The following TMED5 variants were observed in gnomAD, a reference collection of about 807,000 sequenced individuals.
TMED5 encodes transmembrane p24 trafficking protein 5.
In TMED5, 27 loss-of-function variants were observed where a neutral mutation model predicts 23.0. That is an observed-to-expected ratio of 1.17 (90% CI 0.86 to 1.62). TMED5 has a LOEUF of 1.62. TMED5 is among the 40% of genes most tolerant of loss of function. The probability of loss-of-function intolerance (pLI) is 0.00; values close to 1 mark genes in which losing one functional copy is unlikely to be tolerated. For synonymous variants in TMED5, 97 were observed against 100.8 expected (o/e 0.96, Z 0.23); for missense variants, 248 against 273.7 (o/e 0.91, Z 0.66).
intron 1 of TMED5, among the ~76,000 whole-genome samples, chr1:93,179,297 G>A (rs1168677581): frequency 8.0e-5 from 12 of 150,244 alleles, no homozygotes; most frequent in Non-Finnish European, 2.9e-5. Flanking sequence ...GGGAGGCGGA[G>A]GTTGCAATGA....
At chr1:93,160,328 G>A in intron 1 of TMED5, 102 bp from the exon 2 acceptor site, 4 of 623,626 alleles carry the variant, frequency 6.4e-6, no homozygotes, top group South Asian at 2.6e-5. Context: ...AAGCTAGAGA[G>A]GTAAGAAAGT....
intron 2 of TMED5, among the ~76,000 whole-genome samples, chr1:93,156,732 C>T (rs993209054): frequency 4.0e-5 from 6 of 148,560 alleles, no homozygotes; most frequent in Admixed American, 1.4e-4. Context: ...TGCTTGAGCC[C>T]GGAAGGTTGA....
chr1:93,169,610 T>TC (rs1648629400), intron 1 of TMED5, among the ~76,000 whole-genome samples: 1 of 132,762 alleles, frequency 7.5e-6, no homozygotes, highest in Non-Finnish European at 1.6e-5. Context: ...AAAAAATCAA[T>TC]GAAGCAAAAA....
chr1:93,162,455 G>C (rs1199851990), intron 1 of TMED5: 3 of 152,522 alleles, frequency 2.0e-5, no homozygotes, highest in Non-Finnish European at 4.4e-5. Flanking sequence ...AAATGAGCCA[G>C]CCATGGTGGC....
In TMED5 at chr1:93,180,219, G is replaced by A. The variant is rs746120271; in HGVS notation, c.24C>T (p.Pro8=). 51 of 1,612,034 alleles carry A rather than the reference G, an allele frequency of 3.2e-5. No individual in the cohort carries two copies. The highest frequency in any genetic ancestry group is 4.2e-5 in the Non-Finnish European group (49 of 1,179,496). MGDKIWL[P]FPVLLLAALP... is the part of the protein sequence containing the mutation. ...GAGCGGCCAGAAGGAGCACGGGGAA[G>A]GGCAGCCAGATCTTGTCGCCCATCC... The change falls in exon 1 of 4, where the codon CCC becomes CCT. Residue 8 remains proline, a synonymous_variant. Coordinates refer to ENST00000370282, the MANE Select transcript of TMED5 (RefSeq NM_016040.5).
Position 93,153,746 on chromosome 1 carries a change from C to T in TMED5, c.*924G>A, listed in dbSNP as rs1337918210. ...GCCCAGATCATTTTAGCAATATTTC[C>T]TTCATAACTGCTGGTAATAATGAAT... On this transcript the variant is annotated 3_prime_UTR_variant, in exon 4 of 4. Coordinates refer to ENST00000370282, the MANE Select transcript of TMED5 (RefSeq NM_016040.5). 6.6e-6 allele frequency: 1 copy of T among 152,024 alleles called. No homozygotes were observed. Among genetic ancestry groups the T allele is most frequent in the Non-Finnish European group, 1.5e-5 (1 of 67,960 alleles). The allele number at this position is 152,024 out of a possible 1,614,324, so 9.4% of individuals were successfully genotyped here.
chr1:93,169,424 G>A lies in TMED5; in HGVS notation c.190-9198C>T, dbSNP rs536710906. On this transcript the variant is annotated intron_variant, in intron 1 of 3. Transcript: ENST00000370282. ...ATACAGAGAAATCAGTGCCTAGAGG[G>A]AAATTTATAACATTGGATGAACTTA... Among the ~76,000 whole-genome samples the A allele has an allele frequency of 9.2e-5, 14 of 152,170 alleles. No homozygotes were observed. The South Asian group carries it at 2.9e-3, about 32-fold the overall frequency.
At position 93,151,246 on chromosome 1, in the gene TMED5, G is replaced by C. The variant is rs553673444; in HGVS notation, c.*3424C>G. 4 of 152,190 alleles carry C rather than the reference G, an allele frequency of 2.6e-5. No homozygotes were observed. The highest frequency in any genetic ancestry group is 4.4e-5 in the Non-Finnish European group (3 of 68,042). 9.4% of individuals were successfully genotyped at this position (152,190 alleles called of 1,614,324 possible). A position where few individuals can be genotyped will look rare whatever the true frequency, so the allele number is the denominator to read the frequency against. On this transcript the variant is annotated 3_prime_UTR_variant, in exon 4 of 4. Coordinates refer to ENST00000370282, the MANE Select transcript of TMED5 (RefSeq NM_016040.5). ...GTGATAGCAGTGCAGAAGCAGAAAG[G>C]TGCCTAAGGATTTCTACCAGCTTGT...
At chr1:93,170,840 T>C (rs1648701077) in intron 1 of TMED5, among the ~76,000 whole-genome samples, 1 of 152,232 alleles carries the variant, frequency 6.6e-6, no homozygotes, top group African/African-American at 2.4e-5. Flanking sequence ...TTTTGTTGTC[T>C]AGCTCAGGGA....
At position 93,154,840 on chromosome 1, in the gene TMED5, G is replaced by T; in HGVS notation, c.520C>A (p.Gln174Lys). The change falls in exon 4 of 4, where the codon CAA (glutamine) becomes AAA (lysine). Residue 174 changes from glutamine to lysine, a missense_variant. Transcript: ENST00000370282. ...GCTTCAAATGCTCTAAGCAGAGTTTGTATGTGCCCACTTTTGCTTAGTCTG... is the reference window on the plus strand; with the variant it reads ...GCTTCAAATGCTCTAAGCAGAGTTTTTATGTGCCCACTTTTGCTTAGTCTG... ...KSRLSKSGHI[Q>K]TLLRAFEARD... 1 of 1,614,002 alleles carries T rather than the reference G, an allele frequency of 6.2e-7. No homozygotes were observed. The highest frequency in any genetic ancestry group is 2.2e-5 in the East Asian group (1 of 44,878).
chr1:93,156,056 A>C (rs1178607136), intron 3 of TMED5: 1 of 1,473,862 alleles, frequency 6.8e-7, no homozygotes, highest in Non-Finnish European at 9.1e-7. Context: ...TCTTATTTGC[A>C]CATCTGAAGC....
intron 1 of TMED5, chr1:93,161,335 C>G (rs919072724): frequency 5.3e-5 from 8 of 152,100 alleles, no homozygotes; most frequent in African/African-American, 1.9e-4. Flanking sequence ...CAAAGTGATA[C>G]AGCAAATAAG....
Position 93,160,236 on chromosome 1 carries a change from A to C in TMED5, c.190-10T>G. 1 of 1,520,602 alleles carries C rather than the reference A, an allele frequency of 6.6e-7. No homozygotes were observed. The highest frequency in any genetic ancestry group is 2.3e-5 in the East Asian group (1 of 44,360). The allele number at this position is 1,520,602 out of a possible 1,614,324, so 94.2% of individuals were successfully genotyped here. A position where few individuals can be genotyped will look rare whatever the true frequency, so the allele number is the denominator to read the frequency against. On this transcript the variant is annotated splice_polypyrimidine_tract_variant and intron_variant, in intron 1 of 3. Transcript: ENST00000370282. Reference sequence around the variant, plus strand: ...CTGCTCCATCTAAAACCTGTAGAAAAGCATACATGAGAAAAACATATATTA... The same window carrying C: ...CTGCTCCATCTAAAACCTGTAGAAACGCATACATGAGAAAAACATATATTA...
intron 1 of TMED5, chr1:93,162,102 G>GA (rs1173002940): frequency 0.04 from 5,411 of 133,882 alleles, 179 homozygotes; most frequent in African/African-American, 0.093. Context: ...CCTTTTAACT[G>GA]AAAAAAAAAA....
intron 1 of TMED5, chr1:93,162,968 C>CTT (rs1265235013): frequency 1.3e-5 from 2 of 152,166 alleles, no homozygotes; most frequent in Admixed American, 1.3e-4. Context: ...ACTTGGGAGA[C>CTT]TGAGGTGGGA....
At chr1:93,170,502 CCCCTCAG>C (rs1369348115) in intron 1 of TMED5, among the ~76,000 whole-genome samples, 11 of 152,348 alleles carry the variant, frequency 7.2e-5, no homozygotes, top group South Asian at 6.2e-4. Flanking sequence ...GCCTGAGCCT[CCCCTCAG>C]CCCCCCACTG....
At position 93,149,904 on chromosome 1, in the gene TMED5, C is replaced by T. The variant is rs1647812474; in HGVS notation, c.*4766G>A. On this transcript the variant is annotated 3_prime_UTR_variant, in exon 4 of 4. Transcript: ENST00000370282. ...TGGTGGCTCACGCCTGTAATCTCAG[C>T]ACTTGGGAAGTTGAGGCGGGCACAT... 6.6e-6 allele frequency: 1 copy of T among 152,176 alleles called. No homozygotes were observed. Among genetic ancestry groups the T allele is most frequent in the African/African-American group, 2.4e-5 (1 of 41,426 alleles). 9.4% of individuals were successfully genotyped at this position (152,176 alleles called of 1,614,324 possible).
intron 1 of TMED5, among the ~76,000 whole-genome samples, chr1:93,169,408 A>G (rs1648618275): frequency 6.6e-6 from 1 of 152,186 alleles, no homozygotes; most frequent in Non-Finnish European, 1.5e-5. Flanking sequence ...GATACAGAGA[A>G]ATCAGTGCCT....
intron 1 of TMED5, among the ~76,000 whole-genome samples, chr1:93,170,789 C>A (rs559085176): frequency 4.6e-5 from 7 of 152,288 alleles, no homozygotes; most frequent in African/African-American, 1.7e-4. Context: ...TGTAAATACA[C>A]CAATCCACAC....
Sources: allele counts gnomAD v4.1 joint callset (sites outside exome capture counted in the v4.1 genomes callset), GRCh38; gene constraint gnomAD v4.1.1; transcripts MANE v1.5; gene names NCBI Gene and HGNC (gene_info 2026-07-23, HGNC 2026-07-21).